Variants in SDCCAG8 observed in about 807,000 individuals in gnomAD.
The protein encoded by SDCCAG8 is serologically defined colon cancer antigen 8.
Under a neutral mutation model 101.8 loss-of-function variants are expected in SDCCAG8, and 74 were observed. That is an observed-to-expected ratio of 0.73 (90% confidence interval 0.60 to 0.88). The LOEUF is 0.88. Among genes scored for constraint, SDCCAG8 ranks in the 40% least tolerant of loss-of-function variants. The probability of loss-of-function intolerance (pLI) is 0.00; values close to 1 mark genes in which losing one functional copy is unlikely to be tolerated. For missense variants in SDCCAG8, 787 were observed against 822.6 expected, an observed-to-expected ratio of 0.96 and a Z score of 0.53; for synonymous variants, 281 against 292.9, an observed-to-expected ratio of 0.96 and a Z score of 0.41.
intron 6 of SDCCAG8, 142 bp downstream of exon 6, chr1:243,293,361 A>C: frequency 3.5e-6 from 3 of 846,074 alleles, no homozygotes; most frequent in Non-Finnish European, 5.8e-6. Context: ...CATTAAGTAC[A>C]TTCATGTCAC....
At chr1:243,297,780 G>T (rs947347223) in intron 6 of SDCCAG8, among the ~76,000 whole-genome samples, 2 of 152,024 alleles carry the variant, frequency 1.3e-5, no homozygotes, top group African/African-American at 2.4e-5. Flanking sequence ...TTTTATTAAG[G>T]TATGTATCTG....
intron 9 of SDCCAG8, among the ~76,000 whole-genome samples, chr1:243,320,023 A>G (rs961826450): frequency 6.6e-6 from 1 of 152,116 alleles, no homozygotes; most frequent in African/African-American, 2.4e-5. Context: ...TCCCATTTAA[A>G]CATAAATTTT....
intron 17 of SDCCAG8, among the ~76,000 whole-genome samples, chr1:243,493,963 G>A (rs553101871): frequency 6.6e-6 from 1 of 152,086 alleles, no homozygotes; most frequent in African/African-American, 2.4e-5. Context: ...GCTGCAAGGC[G>A]GAGCTGCTGC....
At chr1:243,328,189 A>G (rs1180309476) in intron 9 of SDCCAG8, among the ~76,000 whole-genome samples, 1 of 152,146 alleles carries the variant, frequency 6.6e-6, no homozygotes, top group Non-Finnish European at 1.5e-5. Context: ...GACATGAGCC[A>G]CTGTGCCCGG....
At chr1:243,371,580 G>A (rs1426502072) in intron 12 of SDCCAG8, among the ~76,000 whole-genome samples, 1 of 152,128 alleles carries the variant, frequency 6.6e-6, no homozygotes, top group Non-Finnish European at 1.5e-5. Context: ...AGCGTTATGT[G>A]CAATCAACAA....
chr1:243,311,929 C>T (rs2072765936), intron 8 of SDCCAG8, among the ~76,000 whole-genome samples: 1 of 152,126 alleles, frequency 6.6e-6, no homozygotes, highest in Non-Finnish European at 1.5e-5. Flanking sequence ...TTATGTATTC[C>T]TTTGTCTCTA....
intron 4 of SDCCAG8, among the ~76,000 whole-genome samples, chr1:243,279,759 T>C (rs988280605): frequency 6.6e-6 from 1 of 152,232 alleles, no homozygotes; most frequent in Non-Finnish European, 1.5e-5. Flanking sequence ...AATCTTACTT[T>C]ATCCTGGTGT....
intron 12 of SDCCAG8, among the ~76,000 whole-genome samples, chr1:243,356,205 A>G (rs985654314): frequency 1.3e-5 from 2 of 152,220 alleles, no homozygotes; most frequent in African/African-American, 4.8e-5. Context: ...ATGTATTTTT[A>G]AATCTATATG....
intron 13 of SDCCAG8, among the ~76,000 whole-genome samples, chr1:243,380,398 C>T (rs2077864408): frequency 6.6e-6 from 1 of 152,184 alleles, no homozygotes. Flanking sequence ...CACTGCTAAA[C>T]CTCAGAAATA....
intron 8 of SDCCAG8, among the ~76,000 whole-genome samples, chr1:243,315,178 T>G (rs1348886551): frequency 6.6e-6 from 1 of 152,202 alleles, no homozygotes; most frequent in Admixed American, 6.5e-5. Flanking sequence ...AAAGAGTGAA[T>G]TTTTCTTTTC....
At chr1:243,304,819 A>G in intron 7 of SDCCAG8, 42 bp downstream of exon 7, 1 of 1,113,952 alleles carries the variant, frequency 9.0e-7, no homozygotes. Context: ...CAAAAGCATA[A>G]TGATCTTAAA....
Position 243,256,235 on chromosome 1 carries a change from T to G in SDCCAG8, c.62T>G (p.Leu21Arg), listed in dbSNP as rs760366880. Residue 21 changes from leucine (L) to arginine (R), a missense_variant, in exon 1 of 18, where the codon CTC (leucine) becomes CGC (arginine). Leu to Arg is a moderately radical substitution (Grantham distance 102). Transcript: ENST00000366541. ...EEILGQYQRS[L>R]REHASRSIHQ... is the part of the protein sequence containing the mutation. ...ATTCTGGGGCAGTATCAACGGAGTCTCCGGGGTGAGTTGCTCCAAACCTCT... is the reference window on the plus strand; with the variant it reads ...ATTCTGGGGCAGTATCAACGGAGTCGCCGGGGTGAGTTGCTCCAAACCTCT... 6.2e-7 allele frequency: 1 copy of G among 1,614,100 alleles called. No individual in the cohort carries two copies. Among genetic ancestry groups the G allele is most frequent in the Non-Finnish European group, 8.5e-7 (1 of 1,179,954 alleles).
intron 7 of SDCCAG8, chr1:243,307,412 T>C (rs2072259017): frequency 1.0e-6 from 1 of 983,116 alleles, no homozygotes; most frequent in African/African-American, 1.7e-5. Flanking sequence ...AACAGATCTT[T>C]GTAGAAGTTT....
In SDCCAG8 at chr1:243,488,551, C is replaced by G. The variant is rs114525447; in HGVS notation, c.1986-463C>G. The G allele has an allele frequency of 1.4e-3, 310 of 214,250 alleles. 2 individuals are homozygous for G. Among genetic ancestry groups the G allele is most frequent in the Admixed American group, 3.2e-3 (61 of 19,026 alleles). The allele number at this position is 214,250 out of a possible 1,614,324, so 13.3% of individuals were successfully genotyped here. A position where few individuals can be genotyped will look rare whatever the true frequency, so the allele number is the denominator to read the frequency against. On this transcript the variant is annotated intron_variant, in intron 16 of 17. Coordinates refer to ENST00000366541, the MANE Select transcript of SDCCAG8 (RefSeq NM_006642.5). Reference sequence around the variant, plus strand: ...TTTAGGATCTTTAAAGACATCTGGTCAGCGATGCCGGAGCTCGTGATTGAC... The same window carrying G: ...TTTAGGATCTTTAAAGACATCTGGTGAGCGATGCCGGAGCTCGTGATTGAC...
intron 16 of SDCCAG8, among the ~76,000 whole-genome samples, chr1:243,467,039 T>C (rs6695799): frequency 0.033 from 5,016 of 152,300 alleles, 267 homozygotes; most frequent in African/African-American, 0.11. Flanking sequence ...TCAAGATTTA[T>C]ACCCTTAAAG....
chr1:243,473,552 T>C (rs945067861), intron 16 of SDCCAG8, among the ~76,000 whole-genome samples: 1 of 152,174 alleles, frequency 6.6e-6, no homozygotes, highest in African/African-American at 2.4e-5. Flanking sequence ...GGCGAAGTGT[T>C]TCTGAAGGAA....
chr1:243,276,156 C>A (rs2068554870), intron 4 of SDCCAG8, among the ~76,000 whole-genome samples: 1 of 152,074 alleles, frequency 6.6e-6, no homozygotes, highest in African/African-American at 2.4e-5. Flanking sequence ...GCCACGATGC[C>A]CGGCCTAAAC....
At position 243,474,192 on chromosome 1, in the gene SDCCAG8, C is replaced by T. The variant is rs899213309; in HGVS notation, c.1986-14822C>T. ...CAATCACGCAGCACCTTTCCCATCGCGGGGAAATCAACCTTTTTACTCATT... is the reference window on the plus strand; with the variant it reads ...CAATCACGCAGCACCTTTCCCATCGTGGGGAAATCAACCTTTTTACTCATT... On this transcript the variant is annotated intron_variant, in intron 16 of 17. Transcript: ENST00000366541. The surrounding 1 kb of genome is among the most constrained non-coding windows in gnomAD (Gnocchi z 4.7). Among the ~76,000 whole-genome samples the T allele has an allele frequency of 1.4e-4, 22 of 152,252 alleles. No individual in the cohort carries two copies. Among genetic ancestry groups the T allele is most frequent in the East Asian group, 1.4e-3 (7 of 5,174 alleles).
intron 16 of SDCCAG8, among the ~76,000 whole-genome samples, chr1:243,484,822 G>T (rs1664451974): frequency 6.6e-6 from 1 of 152,266 alleles, no homozygotes; most frequent in Admixed American, 6.5e-5. Flanking sequence ...AAGGCGGGCA[G>T]ATCACGAGGT....
Sources: gnomAD v4.1 joint callset for allele counts (sites outside exome capture counted in the v4.1 genomes callset) on GRCh38, gnomAD v4.1.1 for gene constraint, Gnocchi (gnomAD v3.1) non-coding constraint, MANE v1.5 for transcripts, NCBI Gene and HGNC (gene_info 2026-07-23, HGNC 2026-07-21) for gene names.